Variants in SELE observed in about 807,000 individuals in gnomAD.
SELE encodes E-selectin.
Under a neutral mutation model 75.8 loss-of-function variants are expected in SELE, and 52 were observed. The observed-to-expected ratio is 0.69, with a 90% CI of 0.55 to 0.86. The LOEUF (loss-of-function observed/expected upper bound fraction) is 0.86. SELE is among the 40% of genes least tolerant of loss of function. The pLI, the probability that SELE is intolerant of heterozygous loss-of-function variation, is 0.00. For synonymous variants in SELE, 285 were observed against 258.7 expected, an observed-to-expected ratio of 1.10 and a Z score of -0.98; for missense variants, 754 against 732.7, an observed-to-expected ratio of 1.03 and a Z score of -0.34.
Position 169,730,525 on chromosome 1 carries a change from T to C in SELE, c.622A>G (p.Ile208Val), listed in dbSNP as rs773980538. ...GNFSYNSSCS[I>V]SCDRGYLPSS... ...GGCAGGTAACCCCTATCACAGCTGA[T>C]AGAGCAGGAAGAATTGTAGCTGAAG... The change falls in exon 5 of 14, where the codon ATC becomes GTC. Residue 208 changes from isoleucine to valine, a missense_variant. Physicochemically the swap from Ile to Val is conservative, Grantham distance 29. Transcript: ENST00000333360. 19 of 1,613,908 alleles carry C rather than the reference T, an allele frequency of 1.2e-5. No homozygotes were observed. The African/African-American group carries it at 1.9e-4, about 16-fold the overall frequency.
chr1:169,728,207 T>C lies in SELE; in HGVS notation c.1130A>G (p.Tyr377Cys). 7 of 1,614,132 alleles carry C rather than the reference T, an allele frequency of 4.3e-6. No homozygotes were observed. Among genetic ancestry groups the C allele is most frequent in the Non-Finnish European group, 5.9e-6 (7 of 1,180,008 alleles). The change falls in exon 8 of 14, where the codon TAC becomes TGC. Residue 377 changes from tyrosine (Y) to cysteine (C), a missense_variant. By Grantham distance (194) the Tyr-to-Cys change is radical. Transcript: ENST00000333360. ...CTALSNPERG[Y>C]MNCLPSASGS... is the part of the protein sequence containing the mutation. The stretch of plus-strand genomic sequence containing the variant: ...AGAAGCACTAGGAAGACAATTCATG[T>C]AGCCTCGCTCGGGGTTGGACAAGGC...
chr1:169,723,904 G>A lies in SELE; in HGVS notation c.*621C>T, dbSNP rs1183689376. On this transcript the variant is annotated 3_prime_UTR_variant, in exon 14 of 14. Transcript: ENST00000333360. ...ACAATCCTTAAGAACTCTTTAAGAA[G>A]CACTGAATCCCATAGGGATGAAAGT... is the stretch of plus-strand genomic sequence containing the variant. 3 of 152,190 alleles carry A rather than the reference G, an allele frequency of 2.0e-5. No individual in the cohort carries two copies. Among genetic ancestry groups the A allele is most frequent in the African/African-American group, 7.2e-5 (3 of 41,450 alleles). 9.4% of individuals were successfully genotyped at this position (152,190 alleles called of 1,614,324 possible).
chr1:169,733,464 A>C (rs1344551555), intron 2 of SELE, 112 bp downstream of exon 2: 2 of 1,076,632 alleles, frequency 1.9e-6, no homozygotes, highest in Non-Finnish European at 2.9e-6. Context: ...GTAGAGGTCA[A>C]GGATGCTGCC....
At chr1:169,729,780 C>CAAAGGGTAGATT in intron 5 of SELE, 107 bp from the exon 6 acceptor site, 1 of 974,720 alleles carries the variant, frequency 1.0e-6, no homozygotes, top group Non-Finnish European at 1.6e-6. Context: ...AAGGGTAGAT[C>CAAAGGGTAGATT]CCAAAGTCCT....
intron 5 of SELE, among the ~76,000 whole-genome samples, chr1:169,729,890 G>A (rs1377823182): frequency 6.6e-6 from 1 of 151,986 alleles, no homozygotes; most frequent in Admixed American, 6.6e-5. Flanking sequence ...ATGCTGAGTG[G>A]TCTCTAATCT....
chr1:169,732,593 A>ACTG lies in SELE; in HGVS notation c.421+19_421+21dup, dbSNP rs773874277. ...TGCCCACACACTGAAACTACCTCCC[A>ACTG]CTGCTGCCGCAAACTCCCTACCTGT... On this transcript the variant is annotated intron_variant, in intron 3 of 13. Transcript: ENST00000333360. 7 of 1,536,644 alleles carry ACTG rather than the reference A, an allele frequency of 4.6e-6. No homozygotes were observed. In the Admixed American group the frequency reaches 1.3e-4, roughly 28 times the overall value.
In SELE at chr1:169,733,004, G is replaced by T; in HGVS notation, c.38-6C>A. On this transcript the variant is annotated splice_polypyrimidine_tract_variant and splice_region_variant and intron_variant, in intron 2 of 13. Transcript: ENST00000333360. ...ACTCTCTTTAATGAGAAGCACTAGT[G>T]GGAGAAAAAGAAAAGAAATGGTAGA... 1 of 1,549,758 alleles carries T rather than the reference G, an allele frequency of 6.5e-7. No individual in the cohort carries two copies. Among genetic ancestry groups the T allele is most frequent in the East Asian group, 2.3e-5 (1 of 44,434 alleles).
chr1:169,728,134 A>C lies in SELE; in HGVS notation c.1203T>G (p.Gly401=). ...GCCTTTTGGATCCCTTCAACACAAA[A>C]CCCTGCTCACAGGAGAACTCACAGC... The part of the protein sequence containing the change: ...GSSCEFSCEQ[G]FVLKGSKRLQ... Residue 401 remains glycine (G), a synonymous_variant, in exon 8 of 14, where the codon GGT becomes GGG. Transcript: ENST00000333360. 1 of 1,614,096 alleles carries C rather than the reference A, an allele frequency of 6.2e-7. No homozygotes were observed. The highest frequency in any genetic ancestry group is 8.5e-7 in the Non-Finnish European group (1 of 1,180,002).
In SELE at chr1:169,733,572, T is replaced by G; in HGVS notation, c.37+4A>C. On this transcript the variant is annotated splice_donor_region_variant and intron_variant, in intron 2 of 13. Transcript: ENST00000333360. ...GAAATCTTGGTCTAATGGCACTGAC[T>G]TACCCAAAGTGAGAGCTGAGAGAAA... is the stretch of plus-strand genomic sequence containing the variant. 6.2e-7 allele frequency: 1 copy of G among 1,613,776 alleles called. No homozygotes were observed. The highest frequency in any genetic ancestry group is 8.5e-7 in the Non-Finnish European group (1 of 1,179,666).
In SELE at chr1:169,727,368, G is replaced by GC; in HGVS notation, c.1625dup (p.Leu543ProfsTer6). 6.2e-7 allele frequency: 1 copy of GC among 1,613,866 alleles called. No individual in the cohort carries two copies. Among genetic ancestry groups the GC allele is most frequent in the South Asian group, 1.1e-5 (1 of 91,020 alleles). On this transcript the variant is annotated frameshift_variant, in exon 10 of 14. Transcript: ENST00000333360. LOFTEE classifies it high-confidence loss of function. ...CATCACCTTCACAGGTAGGTAGCAGGCCAGACCAGTGTCCTGTGGCTCCAC... is the reference window on the plus strand; with the variant it reads ...CATCACCTTCACAGGTAGGTAGCAGGCCCAGACCAGTGTCCTGTGGCTCCAC...
chr1:169,733,110 A>G, intron 2 of SELE, 112 bp from the exon 3 acceptor site: 2 of 1,088,844 alleles, frequency 1.8e-6, no homozygotes, highest in Non-Finnish European at 2.6e-6. Context: ...CATGGCCCAG[A>G]CTTTTCTCAT....
At chr1:169,727,584 A>G in intron 9 of SELE, 59 bp from the exon 10 acceptor site, 2 of 1,574,188 alleles carry the variant, frequency 1.3e-6, no homozygotes, top group Non-Finnish European at 1.7e-6. Flanking sequence ...AACTTCCAAA[A>G]CTTGCTTAAA....
intron 3 of SELE, 78 bp from the exon 4 acceptor site, chr1:169,732,020 T>A: frequency 2.3e-6 from 2 of 877,022 alleles, no homozygotes; most frequent in Non-Finnish European, 3.7e-6. Context: ...GAATCAACAG[T>A]GTGCAACAGA....
intron 1 of SELE, 49 bp from the exon 2 acceptor site, chr1:169,733,709 C>T: frequency 8.2e-7 from 1 of 1,220,890 alleles, no homozygotes; most frequent in African/African-American, 1.5e-5. Flanking sequence ...TCGTGGGTAG[C>T]TAGTTACATT....
Position 169,729,312 on chromosome 1 carries a change from C to T in SELE, c.964G>A (p.Ala322Thr), listed in dbSNP as rs986380101. 4 of 1,614,012 alleles carry T rather than the reference C, an allele frequency of 2.5e-6. No homozygotes were observed. Among genetic ancestry groups the T allele is most frequent in the Non-Finnish European group, 3.4e-6 (4 of 1,180,018 alleles). Residue 322 changes from alanine to threonine, a missense_variant, in exon 7 of 14, where the codon GCT (alanine) becomes ACT (threonine). Coordinates refer to ENST00000333360, the MANE Select transcript of SELE (RefSeq NM_000450.2). ...NGSVRCSHSPAGEFTFKSSCN... is the reference protein window; with the variant it reads ...NGSVRCSHSPTGEFTFKSSCN... ...GATGATTTGAAGGTGAACTCTCCAG[C>T]AGGGGAATGGCTGCACCTCACAGAG...
rs202228237 is a variant in SELE, at chr1:169,730,509, C to A, written c.638G>T (p.Gly213Val). Residue 213 changes from glycine to valine, a missense_variant, in exon 5 of 14, where the codon GGT becomes GTT. Physicochemically the swap from Gly to Val is moderately radical, Grantham distance 109 (BLOSUM62 -3). Coordinates refer to ENST00000333360, the MANE Select transcript of SELE (RefSeq NM_000450.2). ...GGTCTCCATGCTGCTTGGCAGGTAA[C>A]CCCTATCACAGCTGATAGAGCAGGA... ...NSSCSISCDRGYLPSSMETMQ... is the reference protein window; with the variant it reads ...NSSCSISCDRVYLPSSMETMQ... 12 of 1,613,830 alleles carry A rather than the reference C, an allele frequency of 7.4e-6. No individual in the cohort carries two copies. The highest frequency in any genetic ancestry group is 3.3e-5 in the South Asian group (3 of 91,078).
chr1:169,729,509 T>G lies in SELE; in HGVS notation c.880A>C (p.Asn294His), dbSNP rs750938294. The change falls in exon 6 of 14, where the codon AAC becomes CAC. Residue 294 changes from asparagine (N) to histidine (H), a missense_variant. Asn to His is a moderately conservative substitution (Grantham distance 68, BLOSUM62 1). Transcript: ENST00000333360. ...CTACCTTTACACGTTGGCTTCTCGT[T>G]GTCCCAATTCCCAGATGAGGTACAC... ...LQCTSSGNWDNEKPTCKAVTC... is the reference protein window; with the variant it reads ...LQCTSSGNWDHEKPTCKAVTC... The G allele has an allele frequency of 1.2e-6, 2 of 1,614,050 alleles. No individual in the cohort carries two copies. The highest frequency in any genetic ancestry group is 8.5e-7 in the Non-Finnish European group (1 of 1,179,988).
intron 4 of SELE, among the ~76,000 whole-genome samples, chr1:169,731,092 CCACTATCTGTGT>C (rs1459818806): frequency 1.5e-5 from 2 of 135,892 alleles, no homozygotes; most frequent in African/African-American, 5.3e-5. Context: ...ACTATAGTAG[CCACTATCTGTGT>C]GGCTACTCAA....
rs1027277649 is a variant in SELE, at chr1:169,723,212, A to G, written c.*1313T>C. 3 of 152,338 alleles carry G rather than the reference A, an allele frequency of 2.0e-5. No homozygotes were observed. Among genetic ancestry groups the G allele is most frequent in the South Asian group, 2.1e-4 (1 of 4,832 alleles). The allele number at this position is 152,338 out of a possible 1,614,324, so 9.4% of individuals were successfully genotyped here. ...AATAAACATAAATGCTTGCTCACACAGGCATTCCTCTCTTCCAGAGCACCC... is the reference window on the plus strand; with the variant it reads ...AATAAACATAAATGCTTGCTCACACGGGCATTCCTCTCTTCCAGAGCACCC... On this transcript the variant is annotated 3_prime_UTR_variant, in exon 14 of 14. Coordinates refer to ENST00000333360, the MANE Select transcript of SELE (RefSeq NM_000450.2).
Sources: gnomAD v4.1 joint callset for allele counts (sites outside exome capture counted in the v4.1 genomes callset) on GRCh38, gnomAD v4.1.1 for gene constraint, MANE v1.5 for transcripts, NCBI Gene and HGNC (gene_info 2026-07-23, HGNC 2026-07-21) for gene names.